The following FCRL6 variants were observed in gnomAD, a reference collection of about 807,000 sequenced individuals.
The protein encoded by FCRL6 is Fc receptor-like protein 6.
A neutral mutation model predicts 49.1 loss-of-function variants in FCRL6; 50 were observed. That is an observed-to-expected ratio of 1.02 (90% CI 0.81 to 1.29). The LOEUF is 1.29. Among genes scored for constraint, FCRL6 ranks in the 50% most tolerant of loss-of-function variants. The pLI is 0.00. For synonymous variants in FCRL6, 213 were observed against 199.6 expected, an observed-to-expected ratio of 1.07 and a Z score of -0.57; for missense variants, 571 against 518.5, an observed-to-expected ratio of 1.10 and a Z score of -0.98.
chr1:159,814,341 G>A (rs1663263719), intron 8 of FCRL6, 49 bp downstream of exon 8: 1 of 1,425,310 alleles, frequency 7.0e-7, no homozygotes, highest in Admixed American at 1.7e-5. Flanking sequence ...AGAAGTTTTG[G>A]ACCTACAATG....
chr1:159,812,104 C>T (rs1663121767), intron 6 of FCRL6, among the ~76,000 whole-genome samples: 1 of 152,226 alleles, frequency 6.6e-6, no homozygotes, highest in Non-Finnish European at 1.5e-5. Flanking sequence ...CCACTGCCAA[C>T]CTTGGAGCAG....
rs781699582 is a variant in FCRL6 at position 159,808,991 on chromosome 1, T to C, written c.350T>C (p.Ile117Thr). Residue 117 changes from isoleucine (I) to threonine (T), a missense_variant, in exon 4 of 10, where the codon ATC (isoleucine) becomes ACC (threonine). Coordinates refer to ENST00000368106, the MANE Select transcript of FCRL6 (RefSeq NM_001004310.3). ...ELFPPPVLSA[I>T]PSPEPREGSL... ...TTTCCACCTCCTGTGCTGAGTGCCA[T>C]CCCCTCTCCTGAGCCCCGAGAGGGT... is the stretch of plus-strand genomic sequence containing the variant. 6.3e-5 allele frequency: 102 copies of C among 1,612,786 alleles called. No individual in the cohort carries two copies. The highest frequency in any genetic ancestry group is 1.6e-4 in the Middle Eastern group (1 of 6,070).
rs535432287 is a variant in FCRL6, at chr1:159,810,045, C to T, written c.887-49C>T. On this transcript the variant is annotated intron_variant, in intron 5 of 9. Coordinates refer to ENST00000368106, the MANE Select transcript of FCRL6 (RefSeq NM_001004310.3). The stretch of plus-strand genomic sequence containing the variant: ...TCTGTGCCAGGCTAGAATGCATTTC[C>T]GAATTTTATCTTCAGTGCTCATGGC... The T allele has an allele frequency of 8.3e-5, 132 of 1,582,834 alleles. 1 individual carries two copies. In the South Asian group the frequency reaches 8.8e-4, roughly 11 times the overall value.
chr1:159,804,924 C>T (rs1426276694), intron 1 of FCRL6, among the ~76,000 whole-genome samples: 1 of 152,202 alleles, frequency 6.6e-6, no homozygotes, highest in African/African-American at 2.4e-5. Flanking sequence ...TAACCACTTT[C>T]CCAGGCAGTG....
chr1:159,802,586 G>A, intron 1 of FCRL6, 131 bp downstream of exon 1: 1 of 784,312 alleles, frequency 1.3e-6, no homozygotes, highest in Non-Finnish European at 2.2e-6. Context: ...ACAGGTGTGT[G>A]CACCTGGGCA....
Position 159,813,565 on chromosome 1 carries a change from C to CTGGA in FCRL6, c.1075+11_1075+12insTGGA, listed in dbSNP as rs1663210272. On this transcript the variant is annotated intron_variant, in intron 7 of 9. Transcript: ENST00000368106. ...CACTATATGCCAACGGTAAGGACTT[C>CTGGA]CAGCAGGATGGTGGTGTGCCCATGT... 1 of 1,613,044 alleles carries CTGGA rather than the reference C, an allele frequency of 6.2e-7. No individual in the cohort carries two copies. Among genetic ancestry groups the CTGGA allele is most frequent in the Non-Finnish European group, 8.5e-7 (1 of 1,179,124 alleles).
At chr1:159,813,581 G>A (rs763648865) in intron 7 of FCRL6, 27 bp downstream of exon 7, 3 of 1,605,064 alleles carry the variant, frequency 1.9e-6, no homozygotes, top group South Asian at 1.1e-5. Context: ...GGATGGTGGT[G>A]TGCCCATGTG....
chr1:159,806,469 C>G (rs1662689828), intron 1 of FCRL6, 127 bp from the exon 2 acceptor site: 1 of 812,614 alleles, frequency 1.2e-6, no homozygotes, highest in African/African-American at 1.7e-5. Context: ...GGATGGGTGG[C>G]TAGGAGGTTT....
chr1:159,802,908 A>T (rs1032566012), intron 1 of FCRL6, among the ~76,000 whole-genome samples: 1 of 152,256 alleles, frequency 6.6e-6, no homozygotes, highest in African/African-American at 2.4e-5. Context: ...TGGGAGGTGG[A>T]ATTTTACAGG....
intron 1 of FCRL6, among the ~76,000 whole-genome samples, chr1:159,804,607 A>G (rs190653728): frequency 6.6e-6 from 1 of 152,304 alleles, no homozygotes; most frequent in African/African-American, 2.4e-5. Flanking sequence ...CCCCCTGTGT[A>G]TGTTCCCAGT....
At position 159,806,606 on chromosome 1, in the gene FCRL6, T is replaced by C; in HGVS notation, c.42T>C (p.Val14=). Residue 14 remains valine, a synonymous_variant, in exon 2 of 10, where the codon GTT becomes GTC. Transcript: ENST00000368106. ...TTTGTTCTCTTGCAGTTCCCTGTGT[T>C]GGGAAAACTGGTAAGTTGTGTCCAT... The part of the protein sequence containing the change: ...WTAVLLFVPC[V]GKTVWLYLQA... The C allele has an allele frequency of 1.2e-6, 2 of 1,613,840 alleles. No individual in the cohort carries two copies. Among genetic ancestry groups the C allele is most frequent in the Non-Finnish European group, 1.7e-6 (2 of 1,179,668 alleles).
At chr1:159,814,182 G>A (rs1188477554) in intron 7 of FCRL6, 39 bp from the exon 8 acceptor site, 18 of 1,580,098 alleles carry the variant, frequency 1.1e-5, no homozygotes, top group Non-Finnish European at 1.4e-5. Context: ...AGGTGGGAGA[G>A]TCAGGAGGAT....
At chr1:159,806,378 A>ATGGTTGGG (rs1391327383) in intron 1 of FCRL6, among the ~76,000 whole-genome samples, 5 of 150,702 alleles carry the variant, frequency 3.3e-5, no homozygotes, top group African/African-American at 1.2e-4. Flanking sequence ...GGATGGTTGG[A>ATGGTTGGG]TGGTTGGGTG....
intron 3 of FCRL6, 46 bp from the exon 4 acceptor site, chr1:159,808,915 A>T (rs1662892576): frequency 3.3e-6 from 5 of 1,520,904 alleles, no homozygotes; most frequent in Non-Finnish European, 4.4e-6. Flanking sequence ...CTGGGGCTTC[A>T]TCATCCAGGA....
At chr1:159,815,285 C>A in intron 8 of FCRL6, 143 bp from the exon 9 acceptor site, 1 of 794,366 alleles carries the variant, frequency 1.3e-6, no homozygotes, top group Non-Finnish European at 2.0e-6. Context: ...CTCCCAATTC[C>A]AGGTTGAGGA....
rs1662835455 is a variant in FCRL6 at position 159,808,298 on chromosome 1, T to G, written c.173T>G (p.Phe58Cys). Residue 58 changes from phenylalanine (F) to cysteine (C), a missense_variant, in exon 3 of 10, where the codon TTC becomes TGC. Transcript: ENST00000368106. ...SQVKFYRDGK[F>C]LHFSKENQTL... ...GTGAAGTTCTACAGAGATGGAAAAT[T>G]CCTTCATTTCTCTAAGGAAAACCAG... 6.2e-7 allele frequency: 1 copy of G among 1,614,188 alleles called. No individual in the cohort carries two copies. The highest frequency in any genetic ancestry group is 1.3e-5 in the African/African-American group (1 of 75,040).
Position 159,815,473 on chromosome 1 carries a change from C to T in FCRL6, c.1179+14C>T, listed in dbSNP as rs77176321. 6.2e-7 allele frequency: 1 copy of T among 1,614,088 alleles called. No homozygotes were observed. The highest frequency in any genetic ancestry group is 1.7e-5 in the Admixed American group (1 of 60,020). ...GTGGGGAGAAAGGTGAGCTGGGATCCCTGCTCCTTTCTCACCCTCTCTCTT... is the reference window on the plus strand; with the variant it reads ...GTGGGGAGAAAGGTGAGCTGGGATCTCTGCTCCTTTCTCACCCTCTCTCTT... On this transcript the variant is annotated intron_variant, in intron 9 of 9. Coordinates refer to ENST00000368106, the MANE Select transcript of FCRL6 (RefSeq NM_001004310.3).
At chr1:159,813,579 G>T (rs756152154) in intron 7 of FCRL6, 25 bp downstream of exon 7, 1 of 1,605,364 alleles carries the variant, frequency 6.2e-7, no homozygotes, top group Non-Finnish European at 8.5e-7. Context: ...CAGGATGGTG[G>T]TGTGCCCATG....
chr1:159,812,514 G>A (rs921692947), intron 6 of FCRL6, among the ~76,000 whole-genome samples: 1 of 152,212 alleles, frequency 6.6e-6, no homozygotes, highest in Non-Finnish European at 1.5e-5. Flanking sequence ...TGCTGTGCTT[G>A]TTTAAAAGTG....
Sources: gnomAD v4.1 joint callset for allele counts (sites outside exome capture counted in the v4.1 genomes callset) on GRCh38, gnomAD v4.1.1 for gene constraint, MANE v1.5 for transcripts, NCBI Gene and HGNC (gene_info 2026-07-23, HGNC 2026-07-21) for gene names.